SAMMSON: variants seen among roughly 807,000 people sequenced by gnomAD.
SAMMSON encodes long intergenic non-protein coding RNA 1212.
intron 6 of SAMMSON, among the ~76,000 whole-genome samples, chr3:70,283,234 A>G (rs2106683883): frequency 6.6e-6 from 1 of 152,116 alleles, no homozygotes; most frequent in African/African-American, 2.4e-5. Context: ...ACTGAAATAG[A>G]TTTGCGGGAA....
chr3:70,147,486 T>C (rs1370851762), intron 4 of SAMMSON, among the ~76,000 whole-genome samples: 1 of 152,058 alleles, frequency 6.6e-6, no homozygotes, highest in Non-Finnish European at 1.5e-5. Flanking sequence ...GACTGGAATA[T>C]AGTCCAGAAA....
intron 6 of SAMMSON, among the ~76,000 whole-genome samples, chr3:70,286,716 T>G (rs1202935882): frequency 1.4e-4 from 22 of 152,226 alleles, no homozygotes; most frequent in Admixed American, 5.2e-4. Context: ...CCATTTCTTT[T>G]TATCCTCTTT....
chr3:70,426,454 C>T (rs1220642945), intron 2 of SAMMSON, among the ~76,000 whole-genome samples: 4 of 152,212 alleles, frequency 2.6e-5, no homozygotes, highest in African/African-American at 4.8e-5. Flanking sequence ...TGAAATGGTA[C>T]TTCAAAGTAT....
At chr3:70,146,468 C>A (rs1204593340) in intron 4 of SAMMSON, among the ~76,000 whole-genome samples, 5 of 151,832 alleles carry the variant, frequency 3.3e-5, no homozygotes, top group Non-Finnish European at 7.4e-5. Flanking sequence ...TACACCATGA[C>A]CAAGTGGGAT....
chr3:70,156,099 C>G (rs1017159110), intron 4 of SAMMSON, among the ~76,000 whole-genome samples: 1 of 151,964 alleles, frequency 6.6e-6, no homozygotes, highest in African/African-American at 2.4e-5. Context: ...TCCTTCCAAA[C>G]AGAAAGACCC....
At chr3:70,418,948 T>TC (rs1701286801) in intron 2 of SAMMSON, among the ~76,000 whole-genome samples, 2 of 97,574 alleles carry the variant, frequency 2.0e-5, no homozygotes, top group African/African-American at 6.7e-5. Context: ...TCCTTTCCTT[T>TC]CCTTTCCTTT....
At chr3:70,347,928 A>T (rs911729028) in intron 7 of SAMMSON, among the ~76,000 whole-genome samples, 2 of 152,150 alleles carry the variant, frequency 1.3e-5, no homozygotes, top group African/African-American at 4.8e-5. Context: ...CTATAATCCC[A>T]GCTACTTGGG....
chr3:70,206,773 C>A (rs559201520), intron 4 of SAMMSON: 48 of 397,634 alleles, frequency 1.2e-4, no homozygotes, highest in Non-Finnish European at 8.9e-6. Flanking sequence ...GCATGCTTTG[C>A]ATTCGTGAGT....
chr3:70,014,113 C>T (rs2066970848), intron 3 of SAMMSON: 1 of 152,206 alleles, frequency 6.6e-6, no homozygotes. Context: ...TCTCTGCCCT[C>T]ATGGCAATGA....
At chr3:70,356,854 C>T (rs993407261) in intron 8 of SAMMSON, among the ~76,000 whole-genome samples, 3 of 152,100 alleles carry the variant, frequency 2.0e-5, no homozygotes, top group African/African-American at 4.8e-5. Context: ...CAGAGCAGTA[C>T]TTACAGATGG....
At chr3:70,331,213 T>C (rs193162206) in intron 7 of SAMMSON, among the ~76,000 whole-genome samples, 1 of 152,272 alleles carries the variant, frequency 6.6e-6, no homozygotes, top group Non-Finnish European at 1.5e-5. Context: ...CCATCATTCT[T>C]CTATATATTT....
intron 6 of SAMMSON, among the ~76,000 whole-genome samples, chr3:70,283,352 G>C (rs1007533065): frequency 6.6e-6 from 1 of 152,048 alleles, no homozygotes; most frequent in Non-Finnish European, 1.5e-5. Context: ...TGAATGAATA[G>C]GGCCTGGACT....
In SAMMSON at chr3:70,187,241, C is replaced by T. The variant is rs139651699; in HGVS notation, n.508-61866C>T. 5.3e-4 allele frequency among the ~76,000 whole-genome samples: 80 copies of T among 152,212 alleles called. No homozygotes were observed. In the East Asian group the frequency reaches 5.8e-3, roughly 11 times the overall value. The stretch of plus-strand genomic sequence containing the variant: ...AGGTGCCAATTTCATTAAAGGGTGC[C>T]TTTTATGGTTTCATCAGAGTACCCA... On this transcript the variant is annotated intron_variant and non_coding_transcript_variant, in intron 4 of 9. Transcript: ENST00000642114.
At chr3:70,365,167 A>G (rs1421039453) in intron 9 of SAMMSON, among the ~76,000 whole-genome samples, 1 of 151,784 alleles carries the variant, frequency 6.6e-6, no homozygotes, top group Non-Finnish European at 1.5e-5. Flanking sequence ...ACTTTCTGGC[A>G]TCATAAAATG....
chr3:70,350,059 G>A (rs952991328), intron 7 of SAMMSON, among the ~76,000 whole-genome samples: 2 of 152,086 alleles, frequency 1.3e-5, no homozygotes, highest in Non-Finnish European at 2.9e-5. Context: ...TACTTAACTT[G>A]AACATGAGTG....
At chr3:70,085,348 C>A (rs1335309589) in intron 4 of SAMMSON, among the ~76,000 whole-genome samples, 1 of 152,120 alleles carries the variant, frequency 6.6e-6, no homozygotes, top group Non-Finnish European at 1.5e-5. Flanking sequence ...TTCATTATCA[C>A]CTTCATGACT....
chr3:70,214,849 A>T (rs1701390387), intron 4 of SAMMSON, among the ~76,000 whole-genome samples: 1 of 152,070 alleles, frequency 6.6e-6, no homozygotes, highest in African/African-American at 2.4e-5. Flanking sequence ...ATGTTTGTAA[A>T]AAGTGTCTCA....
intron 2 of SAMMSON, among the ~76,000 whole-genome samples, chr3:70,421,241 T>TA (rs1426598639): frequency 2.0e-5 from 3 of 151,968 alleles, no homozygotes; most frequent in African/African-American, 7.2e-5. Flanking sequence ...GGAAAAACAA[T>TA]AAAAAACAAA....
At chr3:70,012,017 A>G (rs1220356781) in intron 1 of SAMMSON, among the ~76,000 whole-genome samples, 1 of 152,040 alleles carries the variant, frequency 6.6e-6, no homozygotes, top group East Asian at 1.9e-4. Context: ...AGAGAAAGGG[A>G]TGGTGTGAAT....
Sources: allele counts gnomAD v4.1 joint callset (sites outside exome capture counted in the v4.1 genomes callset), GRCh38; gene constraint gnomAD v4.1.1; transcripts MANE v1.5; gene names NCBI Gene and HGNC (gene_info 2026-07-23, HGNC 2026-07-21).